SLC5A3: variants seen among roughly 807,000 people sequenced by gnomAD.
SLC5A3 encodes sodium/myo-inositol cotransporter.
Under a neutral mutation model 43.2 loss-of-function variants are expected in SLC5A3, and 10 were observed. That is an observed-to-expected ratio of 0.23 (90% CI 0.14 to 0.39). The LOEUF is 0.39. Among genes scored for constraint, SLC5A3 ranks in the 10% least tolerant of loss-of-function variants. The probability of loss-of-function intolerance (pLI) is 1.00; values close to 1 mark genes in which losing one functional copy is unlikely to be tolerated. For synonymous variants in SLC5A3, 349 were observed against 322.0 expected, an observed-to-expected ratio of 1.08 and a Z score of -0.90; for missense variants, 608 against 893.4, an observed-to-expected ratio of 0.68 and a Z score of 4.07.
intron 1 of SLC5A3, among the ~76,000 whole-genome samples, chr21:34,076,956 C>T (rs1214118548): frequency 6.6e-6 from 1 of 152,214 alleles, no homozygotes; most frequent in Admixed American, 6.5e-5. Flanking sequence ...ACCAAGGCTG[C>T]AGTCCCAGGT....
intron 1 of SLC5A3, among the ~76,000 whole-genome samples, chr21:34,074,204 T>TGCCGCCG (rs1989265021): frequency 6.7e-6 from 1 of 150,366 alleles, no homozygotes; most frequent in Non-Finnish European, 1.5e-5. Flanking sequence ...GCCCGCCGGC[T>TGCCGCCG]GCCGCCGACC....
intron 1 of SLC5A3, among the ~76,000 whole-genome samples, chr21:34,090,316 C>T (rs1767115399): frequency 1.3e-5 from 2 of 152,224 alleles, no homozygotes; most frequent in Non-Finnish European, 2.9e-5. Context: ...ATACACTCTG[C>T]ATCAAGCGTT....
chr21:34,100,994 T>C lies in SLC5A3; in HGVS notation c.*3639T>C. ...TCATTTTCATCAGAGGCATGATGAC[T>C]GGAAAGGGATCACATGGGTCGTTGG... On this transcript the variant is annotated 3_prime_UTR_variant, in exon 2 of 2. Coordinates refer to ENST00000381151, the MANE Select transcript of SLC5A3 (RefSeq NM_006933.7). 2.0e-6 allele frequency: 2 copies of C among 1,000,004 alleles called. No individual in the cohort carries two copies. The highest frequency in any genetic ancestry group is 2.4e-6 in the Non-Finnish European group (2 of 829,768). The allele number at this position is 1,000,004 out of a possible 1,614,324, so 61.9% of individuals were successfully genotyped here.
chr21:34,100,492 T>G lies in SLC5A3; in HGVS notation c.*3137T>G. On this transcript the variant is annotated 3_prime_UTR_variant, in exon 2 of 2. Transcript: ENST00000381151. ...AGCAATGGTGCTGTGTCCTTCGGCC[T>G]AAATTCAATAGATCTCATCTCCTAG... 1 of 1,000,252 alleles carries G rather than the reference T, an allele frequency of 1.0e-6. No individual in the cohort carries two copies. Among genetic ancestry groups the G allele is most frequent in the Non-Finnish European group, 1.2e-6 (1 of 829,954 alleles). 62.0% of individuals were successfully genotyped at this position (1,000,252 alleles called of 1,614,324 possible).
chr21:34,087,416 A>G (rs1326828826), intron 1 of SLC5A3, among the ~76,000 whole-genome samples: 1 of 152,232 alleles, frequency 6.6e-6, no homozygotes, highest in Non-Finnish European at 1.5e-5. Flanking sequence ...AGCACCTGTA[A>G]TATGTAAGAT....
chr21:34,082,632 T>C (rs1192070812), intron 1 of SLC5A3, among the ~76,000 whole-genome samples: 1 of 152,166 alleles, frequency 6.6e-6, no homozygotes, highest in African/African-American at 2.4e-5. Flanking sequence ...GCTCTCTTGG[T>C]AAAGATTATA....
At position 34,105,032 on chromosome 21, in the gene SLC5A3, A is replaced by G. The variant is rs1057320672; in HGVS notation, c.*7677A>G. ...GATCTCTAACTTTTGAGTGGCAAAC[A>G]GATCAAGTCTTTTGCTCATAGACTT... On this transcript the variant is annotated 3_prime_UTR_variant, in exon 2 of 2. Transcript: ENST00000381151. The G allele has an allele frequency of 2.4e-5, 24 of 1,000,152 alleles. No homozygotes were observed. The African/African-American group carries it at 4.0e-4, about 17-fold the overall frequency. 62.0% of individuals were successfully genotyped at this position (1,000,152 alleles called of 1,614,324 possible).
At chr21:34,086,815 T>C (rs1011701934) in intron 1 of SLC5A3, among the ~76,000 whole-genome samples, 1 of 90 alleles carries the variant, frequency 0.011, no homozygotes, top group Non-Finnish European at 0.25. Flanking sequence ...TGAACTCAAG[T>C]TGTAATGGAG....
At position 34,104,758 on chromosome 21, in the gene SLC5A3, C is replaced by T. The variant is rs968672530; in HGVS notation, c.*7403C>T. The T allele has an allele frequency of 1.6e-5, 16 of 1,000,126 alleles. No individual in the cohort carries two copies. The African/African-American group carries it at 2.8e-4, about 17-fold the overall frequency. 62.0% of individuals were successfully genotyped at this position (1,000,126 alleles called of 1,614,324 possible). A position where few individuals can be genotyped will look rare whatever the true frequency, so the allele number is the denominator to read the frequency against. On this transcript the variant is annotated 3_prime_UTR_variant, in exon 2 of 2. Transcript: ENST00000381151. ...AGAGAAGTTTGAGGAACACCCTTGG[C>T]TTAGCAACATGTGATAATGCAAAGC...
rs1009461865 is a variant in SLC5A3 at position 34,103,327 on chromosome 21, A to C, written c.*5972A>C. On this transcript the variant is annotated 3_prime_UTR_variant, in exon 2 of 2. Transcript: ENST00000381151. The stretch of plus-strand genomic sequence containing the variant: ...CTAGTGAAGGAAGTAAAAAAAAAAA[A>C]AAAACATGCATTACATTGACATACT... 5 of 998,988 alleles carry C rather than the reference A, an allele frequency of 5.0e-6. No individual in the cohort carries two copies. The South Asian group carries it at 1.9e-4, about 38-fold the overall frequency. The allele number at this position is 998,988 out of a possible 1,614,324, so 61.9% of individuals were successfully genotyped here. A position where few individuals can be genotyped will look rare whatever the true frequency, so the allele number is the denominator to read the frequency against.
chr21:34,099,174 C>T lies in SLC5A3; in HGVS notation c.*1819C>T. 1.0e-6 allele frequency: 1 copy of T among 999,244 alleles called. No individual in the cohort carries two copies. The highest frequency in any genetic ancestry group is 1.2e-6 in the Non-Finnish European group (1 of 829,418). The allele number at this position is 999,244 out of a possible 1,614,324, so 61.9% of individuals were successfully genotyped here. A position where few individuals can be genotyped will look rare whatever the true frequency, so the allele number is the denominator to read the frequency against. ...ATGAATAGCATGTATTTCTGAAGAGCTTAGAGTGCCTTGTAGAATTTTTTT... is the reference window on the plus strand; with the variant it reads ...ATGAATAGCATGTATTTCTGAAGAGTTTAGAGTGCCTTGTAGAATTTTTTT... On this transcript the variant is annotated 3_prime_UTR_variant, in exon 2 of 2. Coordinates refer to ENST00000381151, the MANE Select transcript of SLC5A3 (RefSeq NM_006933.7).
intron 1 of SLC5A3, among the ~76,000 whole-genome samples, chr21:34,080,367 G>A (rs1470600646): frequency 1.3e-5 from 2 of 152,006 alleles, no homozygotes; most frequent in Admixed American, 6.6e-5. Flanking sequence ...TCATCTTTCA[G>A]TTTTTTTCCA....
chr21:34,103,426 C>T lies in SLC5A3; in HGVS notation c.*6071C>T. ...TTGTGTTGTAGCCTAAATGTTGTTTCTTTTATATCCATTAAAAACTTAAAG... is the reference window on the plus strand; with the variant it reads ...TTGTGTTGTAGCCTAAATGTTGTTTTTTTTATATCCATTAAAAACTTAAAG... On this transcript the variant is annotated 3_prime_UTR_variant, in exon 2 of 2. Coordinates refer to ENST00000381151, the MANE Select transcript of SLC5A3 (RefSeq NM_006933.7). 1.0e-6 allele frequency: 1 copy of T among 997,072 alleles called. No homozygotes were observed. The highest frequency in any genetic ancestry group is 1.8e-5 in the African/African-American group (1 of 57,008). The allele number at this position is 997,072 out of a possible 1,614,324, so 61.8% of individuals were successfully genotyped here.
At position 34,102,339 on chromosome 21, in the gene SLC5A3, C is replaced by G. The variant is rs969495153; in HGVS notation, c.*4984C>G. ...AGAATAAGGCTTTAAATTACTGATT[C>G]ACCTTTAAAGGAATGTTGTGAGAAT... On this transcript the variant is annotated 3_prime_UTR_variant, in exon 2 of 2. Transcript: ENST00000381151. The G allele has an allele frequency of 1.2e-5, 12 of 999,206 alleles. No individual in the cohort carries two copies. In the South Asian group the frequency reaches 2.8e-4, roughly 23 times the overall value. 61.9% of individuals were successfully genotyped at this position (999,206 alleles called of 1,614,324 possible). A position where few individuals can be genotyped will look rare whatever the true frequency, so the allele number is the denominator to read the frequency against.
chr21:34,080,408 C>T (rs1989432429), intron 1 of SLC5A3, among the ~76,000 whole-genome samples: 1 of 152,106 alleles, frequency 6.6e-6, no homozygotes, highest in Non-Finnish European at 1.5e-5. Flanking sequence ...CAAAGTTGTG[C>T]AGATTCTTAT....
At position 34,104,064 on chromosome 21, in the gene SLC5A3, A is replaced by G; in HGVS notation, c.*6709A>G. The G allele has an allele frequency of 1.0e-6, 1 of 1,000,102 alleles. No homozygotes were observed. Among genetic ancestry groups the G allele is most frequent in the Non-Finnish European group, 1.2e-6 (1 of 829,930 alleles). 62.0% of individuals were successfully genotyped at this position (1,000,102 alleles called of 1,614,324 possible). ...CAGAAAGTCATACTTTAACAGGGCA[A>G]ATACTACTTGTCTTTGATTTTTTTT... On this transcript the variant is annotated 3_prime_UTR_variant, in exon 2 of 2. Transcript: ENST00000381151.
rs778217292 is a variant in SLC5A3 at position 34,096,798 on chromosome 21, C to G, written c.1600C>G (p.Pro534Ala). The change falls in exon 2 of 2, where the codon CCA becomes GCA. Residue 534 changes from proline to alanine, a missense_variant. This residue lies in a region of SLC5A3 where 210 missense variants were observed against 224.8 expected (regional missense o/e 0.93). Transcript: ENST00000381151. This position sits in a 1 kb window ranked among gnomAD's most constrained non-coding sequence, Gnocchi z 5.9. ...TACTGTAATTGTGAGCCTTCTCACACCACCTCCCACAAAGGAACAGATTCG... is the reference window on the plus strand; with the variant it reads ...TACTGTAATTGTGAGCCTTCTCACAGCACCTCCCACAAAGGAACAGATTCG... ...LITVIVSLLT[P>A]PPTKEQIRTT... is the part of the protein sequence containing the mutation. The G allele has an allele frequency of 1.9e-6, 3 of 1,614,012 alleles. No individual in the cohort carries two copies. The South Asian group carries it at 3.3e-5, about 18-fold the overall frequency.
In SLC5A3 at chr21:34,099,100, A is replaced by G; in HGVS notation, c.*1745A>G. The stretch of plus-strand genomic sequence containing the variant: ...GGTAGCATAGTGTCTTCCCATGATC[A>G]GGAGGCTTTCTGAAGGACTGAGTCT... On this transcript the variant is annotated 3_prime_UTR_variant, in exon 2 of 2. Transcript: ENST00000381151. 1.0e-6 allele frequency: 1 copy of G among 999,792 alleles called. No individual in the cohort carries two copies. Among genetic ancestry groups the G allele is most frequent in the Non-Finnish European group, 1.2e-6 (1 of 829,814 alleles). The allele number at this position is 999,792 out of a possible 1,614,324, so 61.9% of individuals were successfully genotyped here.
chr21:34,088,527 A>G (rs976909600), intron 1 of SLC5A3, among the ~76,000 whole-genome samples: 3 of 152,248 alleles, frequency 2.0e-5, no homozygotes, highest in African/African-American at 7.2e-5. Context: ...GTTGTTACAT[A>G]TCCATCTTGT....
Sources: allele counts gnomAD v4.1 joint callset (sites outside exome capture counted in the v4.1 genomes callset), GRCh38; gene constraint gnomAD v4.1.1; regional missense constraint gnomAD v4.1.1; non-coding constraint Gnocchi (gnomAD v3.1); transcripts MANE v1.5; gene names NCBI Gene and HGNC (gene_info 2026-07-23, HGNC 2026-07-21).